Variants in MAN1C1 observed in about 807,000 individuals in gnomAD.
MAN1C1 encodes mannosyl-oligosaccharide 1,2-alpha-mannosidase IC.
A neutral mutation model predicts 71.5 loss-of-function variants in MAN1C1; 49 were observed. That is an observed-to-expected ratio of 0.69 (90% confidence interval 0.54 to 0.87). The LOEUF (loss-of-function observed/expected upper bound fraction) is 0.87, where lower values mean the gene tolerates loss of function less well. Ranked by LOEUF, MAN1C1 falls within the 40% of genes least tolerant of loss-of-function variation. MAN1C1 has a pLI of 0.00. For synonymous variants in MAN1C1, 352 were observed against 343.7 expected (o/e 1.02, Z -0.27); for missense variants, 743 against 835.0 (o/e 0.89, Z 1.36).
chr1:25,664,002 T>C (rs1467367821), intron 1 of MAN1C1, among the ~76,000 whole-genome samples: 8 of 152,184 alleles, frequency 5.3e-5, no homozygotes, highest in African/African-American at 1.9e-4. Flanking sequence ...CTGAGGCTGG[T>C]AGGGTTCTTC....
Position 25,775,315 on chromosome 1 carries a change from C to T in MAN1C1, c.1258-2790C>T, listed in dbSNP as rs2047605222. 6.6e-6 allele frequency among the ~76,000 whole-genome samples: 1 copy of T among 152,246 alleles called. No homozygotes were observed. Among genetic ancestry groups the T allele is most frequent in the South Asian group, 2.1e-4 (1 of 4,838 alleles). On this transcript the variant is annotated intron_variant, in intron 8 of 11. Transcript: ENST00000374332. This position sits in a 1 kb window ranked among gnomAD's most constrained non-coding sequence, Gnocchi z 5.1. ...AGCCCGGCTGCTCTGCAGGTGTCCT[C>T]AGCACTCCCCCATGTGGAGCAGGTG...
At chr1:25,704,285 T>C (rs1461758053) in intron 2 of MAN1C1, among the ~76,000 whole-genome samples, 2 of 152,292 alleles carry the variant, frequency 1.3e-5, no homozygotes, top group African/African-American at 2.4e-5. Context: ...AGCTCTGCAA[T>C]AGAAATGGCT....
intron 1 of MAN1C1, among the ~76,000 whole-genome samples, chr1:25,622,160 T>C (rs1462877017): frequency 1.3e-5 from 2 of 152,158 alleles, no homozygotes; most frequent in African/African-American, 4.8e-5. Context: ...GGATTGAATT[T>C]CCCCACCTTC....
intron 1 of MAN1C1, among the ~76,000 whole-genome samples, chr1:25,630,037 G>T (rs1171876697): frequency 6.6e-6 from 1 of 152,130 alleles, no homozygotes; most frequent in Non-Finnish European, 1.5e-5. Flanking sequence ...TTAGATTTAA[G>T]TCGTTGACTC....
In MAN1C1 at chr1:25,746,815, G is replaced by GGGGGGGC; in HGVS notation, c.753+32_753+33insGGGGGGC. 3 of 565,568 alleles carry GGGGGGGC rather than the reference G, an allele frequency of 5.3e-6. No individual in the cohort carries two copies. Among genetic ancestry groups the GGGGGGGC allele is most frequent in the Non-Finnish European group, 9.7e-6 (3 of 310,638 alleles). The allele number at this position is 565,568 out of a possible 1,614,324, so 35.0% of individuals were successfully genotyped here. ...CAGAGGCCCTCGGCGGGGGAGGGGG[G>GGGGGGGC]CGGGGGCCAGAAGAGGCCCAACAGC... is the stretch of plus-strand genomic sequence containing the variant. On this transcript the variant is annotated intron_variant, in intron 3 of 11. Transcript: ENST00000374332. The surrounding 1 kb of genome is among the most constrained non-coding windows in gnomAD (Gnocchi z 4.0).
intron 2 of MAN1C1, among the ~76,000 whole-genome samples, chr1:25,724,784 GCCAC>G (rs1224240597): frequency 1.3e-5 from 2 of 152,152 alleles, no homozygotes; most frequent in African/African-American, 4.8e-5. Flanking sequence ...CTGGGGTTCT[GCCAC>G]CCTGATTTGC....
chr1:25,768,573 C>T (rs1164170508), intron 7 of MAN1C1, among the ~76,000 whole-genome samples: 8 of 23,196 alleles, frequency 3.4e-4, no homozygotes, highest in Admixed American at 5.1e-4. Context: ...ACACTCCCCC[C>T]ACACACAGAC....
intron 1 of MAN1C1, among the ~76,000 whole-genome samples, chr1:25,672,310 A>G (rs1045415567): frequency 2.6e-5 from 4 of 152,176 alleles, no homozygotes; most frequent in Non-Finnish European, 5.9e-5. Context: ...GGGCCTTCCT[A>G]ACTCAACCCA....
chr1:25,729,462 C>G (rs1165667432), intron 2 of MAN1C1, among the ~76,000 whole-genome samples: 1 of 151,680 alleles, frequency 6.6e-6, no homozygotes, highest in African/African-American at 2.4e-5. Context: ...GCAGGCGTCC[C>G]ATTTTCTTTT....
At chr1:25,743,356 G>T (rs1462626004) in intron 2 of MAN1C1, among the ~76,000 whole-genome samples, 1 of 152,216 alleles carries the variant, frequency 6.6e-6, no homozygotes, top group African/African-American at 2.4e-5. Context: ...CTGGCTCTTT[G>T]TGTATAAATC....
At chr1:25,699,348 G>A (rs2046408036) in intron 2 of MAN1C1, among the ~76,000 whole-genome samples, 1 of 151,478 alleles carries the variant, frequency 6.6e-6, no homozygotes, top group Admixed American at 6.6e-5. Flanking sequence ...CATGAGAGAG[G>A]GATTATGGCA....
Position 25,764,007 on chromosome 1 carries a change from C to A in MAN1C1, c.1141+40C>A. On this transcript the variant is annotated intron_variant, in intron 7 of 11. Transcript: ENST00000374332. The surrounding 1 kb of genome is among the most constrained non-coding windows in gnomAD (Gnocchi z 4.4). The stretch of plus-strand genomic sequence containing the variant: ...GCCACTGCCCCTTATTCAGCGGGTT[C>A]CTGCCCAGGCTTCCTAGGAAGACCC... The A allele has an allele frequency of 6.5e-7, 1 of 1,538,560 alleles. No individual in the cohort carries two copies. Among genetic ancestry groups the A allele is most frequent in the Non-Finnish European group, 9.0e-7 (1 of 1,112,178 alleles).
At chr1:25,716,271 G>T (rs893551486) in intron 2 of MAN1C1, among the ~76,000 whole-genome samples, 1 of 152,180 alleles carries the variant, frequency 6.6e-6, no homozygotes, top group African/African-American at 2.4e-5. Flanking sequence ...GCAACTAGCA[G>T]ACTTGGCCAT....
intron 1 of MAN1C1, among the ~76,000 whole-genome samples, chr1:25,679,963 A>ATG (rs2046127392): frequency 7.0e-6 from 1 of 142,568 alleles, no homozygotes; most frequent in Admixed American, 7.0e-5. Flanking sequence ...ATATATATAT[A>ATG]TATATATATA....
At chr1:25,695,476 A>T (rs1553187613) in intron 2 of MAN1C1, among the ~76,000 whole-genome samples, 1 of 152,116 alleles carries the variant, frequency 6.6e-6, no homozygotes, top group Non-Finnish European at 1.5e-5. Context: ...GCCTTGAGTG[A>T]CATGTGCACA....
intron 1 of MAN1C1, among the ~76,000 whole-genome samples, chr1:25,649,190 A>G (rs1252595306): frequency 6.6e-6 from 1 of 152,240 alleles, no homozygotes; most frequent in Non-Finnish European, 1.5e-5. Context: ...CTTGCCACGC[A>G]TGAGTACTCA....
chr1:25,783,883 C>T lies in MAN1C1; in HGVS notation c.*94C>T. On this transcript the variant is annotated 3_prime_UTR_variant, in exon 12 of 12. Coordinates refer to ENST00000374332, the MANE Select transcript of MAN1C1 (RefSeq NM_020379.4). ...CTCAAAGGGATTGGGAACGAAGGCC[C>T]CATCTCGGGCAGACCCCCAGCAGAT... 6.8e-7 allele frequency: 1 copy of T among 1,468,550 alleles called. No homozygotes were observed. The allele number at this position is 1,468,550 out of a possible 1,614,324, so 91.0% of individuals were successfully genotyped here.
chr1:25,746,520 C>T lies in MAN1C1; in HGVS notation c.638-148C>T. On this transcript the variant is annotated intron_variant, in intron 2 of 11. Transcript: ENST00000374332. The surrounding 1 kb of genome is among the most constrained non-coding windows in gnomAD (Gnocchi z 4.0). Reference sequence around the variant, plus strand: ...GTCTCGGCGTCACCTTCGATGGTGGCACTGGAGTCCCCCGGATGGTGCCTG... The same window carrying T: ...GTCTCGGCGTCACCTTCGATGGTGGTACTGGAGTCCCCCGGATGGTGCCTG... 1 of 685,516 alleles carries T rather than the reference C, an allele frequency of 1.5e-6. No homozygotes were observed. The highest frequency in any genetic ancestry group is 2.2e-5 in the Admixed American group (1 of 45,262). 42.5% of individuals were successfully genotyped at this position (685,516 alleles called of 1,614,324 possible).
intron 2 of MAN1C1, among the ~76,000 whole-genome samples, chr1:25,718,200 T>G (rs2046709969): frequency 1.3e-5 from 2 of 152,232 alleles, no homozygotes; most frequent in Non-Finnish European, 2.9e-5. Context: ...TCGTGTTTGT[T>G]TGATGCTTAG....
Sources: gnomAD v4.1 joint callset for allele counts (sites outside exome capture counted in the v4.1 genomes callset) on GRCh38, gnomAD v4.1.1 for gene constraint, Gnocchi (gnomAD v3.1) non-coding constraint, MANE v1.5 for transcripts, NCBI Gene and HGNC (gene_info 2026-07-23, HGNC 2026-07-21) for gene names.